The following FZD3 variants were observed in gnomAD, a reference collection of about 807,000 sequenced individuals.
FZD3 encodes frizzled-3.
A neutral mutation model predicts 60.7 loss-of-function variants in FZD3; 30 were observed. The observed-to-expected ratio is 0.49, with a 90% CI of 0.37 to 0.67. FZD3 has a LOEUF of 0.67. Among genes scored for constraint, FZD3 ranks in the 30% least tolerant of loss-of-function variants. The pLI is 0.00. For synonymous variants in FZD3, 246 were observed against 275.2 expected, an observed-to-expected ratio of 0.89 and a Z score of 1.05; for missense variants, 605 against 838.7, an observed-to-expected ratio of 0.72 and a Z score of 3.44.
rs1057078131 is a variant in FZD3, at chr8:28,566,221, A to G, written c.*3210A>G. On this transcript the variant is annotated 3_prime_UTR_variant, in exon 8 of 8. Coordinates refer to ENST00000240093, the MANE Select transcript of FZD3 (RefSeq NM_017412.4). ...GAAGTCTCTGCTTTACCAGAATAAT[A>G]TGTGGCAGGTAATAAATATGTAAAG... 4 of 152,190 alleles carry G rather than the reference A, an allele frequency of 2.6e-5. No homozygotes were observed. Among genetic ancestry groups the G allele is most frequent in the South Asian group, 2.1e-4 (1 of 4,838 alleles). The allele number at this position is 152,190 out of a possible 1,614,324, so 9.4% of individuals were successfully genotyped here. A position where few individuals can be genotyped will look rare whatever the true frequency, so the allele number is the denominator to read the frequency against.
At chr8:28,542,130 A>T (rs368617798) in intron 5 of FZD3, among the ~76,000 whole-genome samples, 5 of 138,662 alleles carry the variant, frequency 3.6e-5, no homozygotes, top group Non-Finnish European at 7.6e-5. Context: ...CTGCAGTGCC[A>T]TATATGACTG....
intron 6 of FZD3, among the ~76,000 whole-genome samples, chr8:28,553,685 G>C (rs753446126): frequency 1.4e-4 from 22 of 152,198 alleles, no homozygotes; most frequent in Non-Finnish European, 2.6e-4. Flanking sequence ...CCAACCAACA[G>C]TCATTGTGAT....
rs373373678 is a variant in FZD3 at position 28,568,378 on chromosome 8, T to C, written c.*5367T>C. On this transcript the variant is annotated 3_prime_UTR_variant, in exon 8 of 8. Coordinates refer to ENST00000240093, the MANE Select transcript of FZD3 (RefSeq NM_017412.4). ...TCTTCTCTCCTTCTTTTGTTCCGAT[T>C]AGATGAATTTGGGAAAGGAGTAGGA... The C allele has an allele frequency of 1.3e-5, 2 of 152,144 alleles. No homozygotes were observed. The highest frequency in any genetic ancestry group is 3.8e-4 in the East Asian group (2 of 5,204). 9.4% of individuals were successfully genotyped at this position (152,144 alleles called of 1,614,324 possible). A position where few individuals can be genotyped will look rare whatever the true frequency, so the allele number is the denominator to read the frequency against.
At chr8:28,519,771 T>G (rs1465680766) in intron 3 of FZD3, among the ~76,000 whole-genome samples, 1 of 149,510 alleles carries the variant, frequency 6.7e-6, no homozygotes, top group Non-Finnish European at 1.5e-5. Flanking sequence ...CAGCCCAAAG[T>G]GAGAGACCTT....
At chr8:28,495,984 C>T (rs1251620927) in intron 1 of FZD3, among the ~76,000 whole-genome samples, 1 of 152,162 alleles carries the variant, frequency 6.6e-6, no homozygotes, top group East Asian at 1.9e-4. Context: ...TCTCCTAAAT[C>T]GTCCCATTTA....
At position 28,566,688 on chromosome 8, in the gene FZD3, CA is replaced by C. The variant is rs974518994; in HGVS notation, c.*3681del. 21 of 151,960 alleles carry C rather than the reference CA, an allele frequency of 1.4e-4. 1 individual carries two copies. The highest frequency in any genetic ancestry group is 4.6e-4 in the African/African-American group (19 of 41,450). 9.4% of individuals were successfully genotyped at this position (151,960 alleles called of 1,614,324 possible). On this transcript the variant is annotated 3_prime_UTR_variant, in exon 8 of 8. Coordinates refer to ENST00000240093, the MANE Select transcript of FZD3 (RefSeq NM_017412.4). ...TGGAGCTTAGAAAATATTAACATACCAAAATTTCATTATGATGATATTTATA... is the reference window on the plus strand; with the variant it reads ...TGGAGCTTAGAAAATATTAACATACCAAATTTCATTATGATGATATTTATA...
At chr8:28,510,581 G>T (rs1413706034) in intron 3 of FZD3, among the ~76,000 whole-genome samples, 2 of 152,106 alleles carry the variant, frequency 1.3e-5, no homozygotes, top group Non-Finnish European at 2.9e-5. Context: ...GATACATGAG[G>T]GTTCTTAATA....
In FZD3 at chr8:28,568,554, T is replaced by C. The variant is rs1805746154; in HGVS notation, c.*5543T>C. The C allele has an allele frequency of 6.6e-6, 1 of 152,164 alleles. No homozygotes were observed. Among genetic ancestry groups the C allele is most frequent in the Non-Finnish European group, 1.5e-5 (1 of 67,992 alleles). 9.4% of individuals were successfully genotyped at this position (152,164 alleles called of 1,614,324 possible). ...CCAAGTCTTCTAAGAATGAAAATGTTGAAGTCTACCCAGAACCAGCCATCC... is the reference window on the plus strand; with the variant it reads ...CCAAGTCTTCTAAGAATGAAAATGTCGAAGTCTACCCAGAACCAGCCATCC... On this transcript the variant is annotated 3_prime_UTR_variant, in exon 8 of 8. Coordinates refer to ENST00000240093, the MANE Select transcript of FZD3 (RefSeq NM_017412.4).
At chr8:28,544,949 G>A (rs998903890) in intron 5 of FZD3, among the ~76,000 whole-genome samples, 1 of 152,172 alleles carries the variant, frequency 6.6e-6, no homozygotes, top group Non-Finnish European at 1.5e-5. Flanking sequence ...AGGGCGTTAC[G>A]TAGCGAGAGG....
intron 5 of FZD3, among the ~76,000 whole-genome samples, chr8:28,548,082 ACAT>A (rs1805337233): frequency 6.6e-6 from 1 of 151,990 alleles, no homozygotes; most frequent in Admixed American, 6.5e-5. Flanking sequence ...CGAACTCCTG[ACAT>A]CAGGTGATCT....
chr8:28,568,770 C>G lies in FZD3; in HGVS notation c.*5759C>G, dbSNP rs1306405378. ...TGCATTACTTACTTCCTATAAGACA[C>G]AGTAGTTCAATCTGTTGAAAGGCAT... is the stretch of plus-strand genomic sequence containing the variant. On this transcript the variant is annotated 3_prime_UTR_variant, in exon 8 of 8. Coordinates refer to ENST00000240093, the MANE Select transcript of FZD3 (RefSeq NM_017412.4). 6.6e-6 allele frequency: 1 copy of G among 152,084 alleles called. No individual in the cohort carries two copies. The highest frequency in any genetic ancestry group is 6.5e-5 in the Admixed American group (1 of 15,274). 9.4% of individuals were successfully genotyped at this position (152,084 alleles called of 1,614,324 possible). A position where few individuals can be genotyped will look rare whatever the true frequency, so the allele number is the denominator to read the frequency against.
At position 28,503,776 on chromosome 8, in the gene FZD3, G is replaced by A. The variant is rs1804063159; in HGVS notation, c.189+574G>A. ...AACTAGCAGGCAGTAAGCAGTGGTGGTAATGACCATAGGCTTTGAGGTAGA... is the reference window on the plus strand; with the variant it reads ...AACTAGCAGGCAGTAAGCAGTGGTGATAATGACCATAGGCTTTGAGGTAGA... On this transcript the variant is annotated intron_variant, in intron 3 of 7. Coordinates refer to ENST00000240093, the MANE Select transcript of FZD3 (RefSeq NM_017412.4). 2.6e-5 allele frequency among the ~76,000 whole-genome samples: 4 copies of A among 152,302 alleles called. No individual in the cohort carries two copies. The South Asian group carries it at 8.3e-4, about 32-fold the overall frequency.
Position 28,539,436 on chromosome 8 carries a change from G to A in FZD3, c.1404+11272G>A, listed in dbSNP as rs117036740. ...TATTTTTCTGTCCCAGTGCTACATT[G>A]TCTTAATTACTATAACATAATAAGC... On this transcript the variant is annotated intron_variant, in intron 5 of 7. Coordinates refer to ENST00000240093, the MANE Select transcript of FZD3 (RefSeq NM_017412.4). 4.6e-3 allele frequency among the ~76,000 whole-genome samples: 704 copies of A among 152,252 alleles called. 24 individuals are homozygous for A. In the East Asian group the frequency reaches 0.089, roughly 19 times the overall value.
intron 7 of FZD3, 72 bp from the exon 8 acceptor site, chr8:28,562,726 A>C (rs1805635294): frequency 2.1e-6 from 2 of 933,924 alleles, no homozygotes; most frequent in Non-Finnish European, 3.4e-6. Context: ...AGGCATTTTT[A>C]TGAAAATTAT....
chr8:28,509,401 GT>G (rs943330837), intron 3 of FZD3, among the ~76,000 whole-genome samples: 35 of 149,768 alleles, frequency 2.3e-4, no homozygotes, highest in Admixed American at 4.0e-4. Context: ...CCCCACACTG[GT>G]TTTTTTTTCC....
intron 1 of FZD3, among the ~76,000 whole-genome samples, chr8:28,497,479 T>G (rs1459181113): frequency 6.6e-6 from 1 of 152,128 alleles, no homozygotes; most frequent in Non-Finnish European, 1.5e-5. Context: ...TATTTAGAGA[T>G]AGTTATTGCT....
chr8:28,547,163 T>G (rs1330308049), intron 5 of FZD3, among the ~76,000 whole-genome samples: 2 of 152,152 alleles, frequency 1.3e-5, no homozygotes, highest in Admixed American at 6.5e-5. Context: ...GTATATTCCT[T>G]TGCTCCCTCT....
Position 28,520,443 on chromosome 8 carries a change from C to T in FZD3, c.190-195C>T, listed in dbSNP as rs80325857. On this transcript the variant is annotated intron_variant, in intron 3 of 7. Coordinates refer to ENST00000240093, the MANE Select transcript of FZD3 (RefSeq NM_017412.4). The stretch of plus-strand genomic sequence containing the variant: ...TACATATAGATTCTGGGATACACCT[C>T]ACATTTAACTAAATTAGAATCTTCA... Among the ~76,000 whole-genome samples, 199 of 152,150 alleles carry T rather than the reference C, an allele frequency of 1.3e-3. 1 individual carries two copies. The highest frequency in any genetic ancestry group is 4.7e-3 in the African/African-American group (193 of 41,500).
Position 28,569,180 on chromosome 8 carries a change from T to G in FZD3, c.*6169T>G, listed in dbSNP as rs1180465504. ...AGATATTTCTTTGTGTTGTGCTTAT[T>G]GGTTTTTTTTTTTAACTTAGAGCTT... is the stretch of plus-strand genomic sequence containing the variant. On this transcript the variant is annotated 3_prime_UTR_variant, in exon 8 of 8. Coordinates refer to ENST00000240093, the MANE Select transcript of FZD3 (RefSeq NM_017412.4). 2.8e-5 allele frequency: 3 copies of G among 108,994 alleles called. No homozygotes were observed. The highest frequency in any genetic ancestry group is 4.0e-5 in the Non-Finnish European group (2 of 49,808). 6.8% of individuals were successfully genotyped at this position (108,994 alleles called of 1,614,324 possible).
Sources: gnomAD v4.1 joint callset for allele counts (sites outside exome capture counted in the v4.1 genomes callset) on GRCh38, gnomAD v4.1.1 for gene constraint, MANE v1.5 for transcripts, NCBI Gene and HGNC (gene_info 2026-07-23, HGNC 2026-07-21) for gene names.